The following RGS13 variants were observed in gnomAD, a reference collection of about 807,000 sequenced individuals.
The protein encoded by RGS13 is regulator of G protein signaling 13, also known as regulator of G-protein signalling 13.
A neutral mutation model predicts 19.9 loss-of-function variants in RGS13; 14 were observed. The ratio of observed to expected loss-of-function variants is 0.70; its 90% CI spans 0.46 to 1.10. RGS13 has a LOEUF of 1.10. Among genes scored for constraint, RGS13 ranks in the 50% least tolerant of loss-of-function variants. The pLI, the probability that RGS13 is intolerant of heterozygous loss-of-function variation, is 0.00. For missense variants in RGS13, 205 were observed against 187.1 expected (o/e 1.10, Z -0.56); for synonymous variants, 60 against 56.8 (o/e 1.06, Z -0.25).
intron 5 of RGS13, among the ~76,000 whole-genome samples, 176 bp from the exon 6 acceptor site, chr1:192,658,025 G>A (rs1467994361): frequency 1.3e-5 from 2 of 152,130 alleles, no homozygotes; most frequent in Admixed American, 1.3e-4. Flanking sequence ...GCACGCTTCA[G>A]ATGTTCGCTC....
At chr1:192,657,642 A>G (rs1426983629) in intron 5 of RGS13, among the ~76,000 whole-genome samples, 3 of 152,172 alleles carry the variant, frequency 2.0e-5, no homozygotes, top group Non-Finnish European at 2.9e-5. Flanking sequence ...GGCTTGAACC[A>G]TAAACCATGA....
intron 5 of RGS13, among the ~76,000 whole-genome samples, chr1:192,651,173 T>C (rs1464617019): frequency 6.6e-6 from 1 of 152,082 alleles, no homozygotes; most frequent in Non-Finnish European, 1.5e-5. Context: ...AGTGCATTCT[T>C]GTGGAAGCCA....
At chr1:192,655,676 A>T (rs1242961951) in intron 5 of RGS13, among the ~76,000 whole-genome samples, 2 of 152,122 alleles carry the variant, frequency 1.3e-5, no homozygotes, top group Non-Finnish European at 2.9e-5. Flanking sequence ...GAGGAACAAT[A>T]CGACAATCTG....
intron 5 of RGS13, among the ~76,000 whole-genome samples, chr1:192,651,369 A>G (rs1663332207): frequency 6.6e-6 from 1 of 152,100 alleles, no homozygotes. Context: ...CAGCATAAGG[A>G]ATCACTGACA....
chr1:192,636,853 A>C (rs552299828), intron 1 of RGS13, among the ~76,000 whole-genome samples: 1 of 152,084 alleles, frequency 6.6e-6, no homozygotes, highest in East Asian at 1.9e-4. Flanking sequence ...TGAATTTTTT[A>C]AAGGACAAGA....
intron 5 of RGS13, among the ~76,000 whole-genome samples, chr1:192,656,016 C>T (rs1222215515): frequency 6.6e-6 from 1 of 152,016 alleles, no homozygotes; most frequent in African/African-American, 2.4e-5. Context: ...TTCTTCCAAT[C>T]CATCAGGAAG....
chr1:192,655,677 C>T (rs775735520), intron 5 of RGS13, among the ~76,000 whole-genome samples: 4 of 151,918 alleles, frequency 2.6e-5, no homozygotes, highest in Non-Finnish European at 4.4e-5. Context: ...AGGAACAATA[C>T]GACAATCTGC....
chr1:192,646,684 T>C (rs539997561), intron 4 of RGS13: 1 of 152,150 alleles, frequency 6.6e-6, no homozygotes, highest in African/African-American at 2.4e-5. Flanking sequence ...CCAGTGTGTG[T>C]TGTTCTCCCC....
At position 192,642,348 on chromosome 1, in the gene RGS13, G is replaced by T. The variant is rs1355349588; in HGVS notation, c.-4-1983G>T. 6.1e-5 allele frequency among the ~76,000 whole-genome samples: 9 copies of T among 147,500 alleles called. No homozygotes were observed. In the East Asian group the frequency reaches 1.6e-3, roughly 26 times the overall value. The stretch of plus-strand genomic sequence containing the variant: ...TTTTTTTTTTTTTTTTTGAGATAAG[G>T]TCTTTCTTTGTCACCCAGACTGGAG... On this transcript the variant is annotated intron_variant, in intron 3 of 6. Transcript: ENST00000391995.
In RGS13 at chr1:192,659,593, C is replaced by A. The variant is rs1663574948; in HGVS notation, c.*70C>A. ...TGGGTTTGATCTTTTTATTTAGAAACCCACAAAATCAGAAACACAGTACAA... is the reference window on the plus strand; with the variant it reads ...TGGGTTTGATCTTTTTATTTAGAAAACCACAAAATCAGAAACACAGTACAA... On this transcript the variant is annotated 3_prime_UTR_variant, in exon 7 of 7. Coordinates refer to ENST00000391995, the MANE Select transcript of RGS13 (RefSeq NM_002927.5). 2 of 1,090,152 alleles carry A rather than the reference C, an allele frequency of 1.8e-6. No homozygotes were observed. Among genetic ancestry groups the A allele is most frequent in the Non-Finnish European group, 2.7e-6 (2 of 753,104 alleles). The allele number at this position is 1,090,152 out of a possible 1,614,324, so 67.5% of individuals were successfully genotyped here.
chr1:192,641,442 A>G (rs1262149446), intron 3 of RGS13, among the ~76,000 whole-genome samples: 1 of 151,944 alleles, frequency 6.6e-6, no homozygotes, highest in African/African-American at 2.4e-5. Flanking sequence ...AATTACAAGC[A>G]GGCTTTCATT....
At chr1:192,648,641 GAC>G (rs559623872) in intron 5 of RGS13, among the ~76,000 whole-genome samples, 229 of 152,238 alleles carry the variant, frequency 1.5e-3, no homozygotes, top group African/African-American at 5.0e-3. Flanking sequence ...GTAGGGTGTA[GAC>G]ACAGAAAATT....
chr1:192,645,640 A>T (rs369769604), intron 4 of RGS13: 8 of 152,142 alleles, frequency 5.3e-5, no homozygotes, highest in African/African-American at 1.9e-4. Flanking sequence ...AGAAGAATGG[A>T]GGGGACACAA....
intron 3 of RGS13, among the ~76,000 whole-genome samples, chr1:192,639,970 T>C (rs1663078049): frequency 6.6e-6 from 1 of 152,142 alleles, no homozygotes; most frequent in Non-Finnish European, 1.5e-5. Context: ...AACCCATTAA[T>C]AGACACACAT....
chr1:192,647,996 T>G lies in RGS13; in HGVS notation c.127+9T>G. ...TTTAATGGCTACAAAATGTGAGTAT[T>G]GCGTATCTGTCATCTTTGAATAACT... On this transcript the variant is annotated intron_variant, in intron 5 of 6. Coordinates refer to ENST00000391995, the MANE Select transcript of RGS13 (RefSeq NM_002927.5). 1 of 1,572,316 alleles carries G rather than the reference T, an allele frequency of 6.4e-7. No individual in the cohort carries two copies. The highest frequency in any genetic ancestry group is 8.7e-7 in the Non-Finnish European group (1 of 1,150,686).
At chr1:192,650,955 A>T (rs968446201) in intron 5 of RGS13, among the ~76,000 whole-genome samples, 2 of 152,088 alleles carry the variant, frequency 1.3e-5, no homozygotes, top group African/African-American at 4.8e-5. Flanking sequence ...ATTGGAACTC[A>T]GTAGGGAAGA....
chr1:192,651,796 G>A (rs1481368294), intron 5 of RGS13, among the ~76,000 whole-genome samples: 3 of 152,046 alleles, frequency 2.0e-5, no homozygotes, highest in African/African-American at 7.2e-5. Flanking sequence ...TTTGAGGCAA[G>A]GTCGCCAGTA....
In RGS13 at chr1:192,644,344, C is replaced by T. The variant is rs531861902; in HGVS notation, c.10C>T (p.Arg4Trp). Residue 4 changes from arginine (R) to tryptophan (W), a missense_variant, in exon 4 of 7, where the codon CGG (arginine) becomes TGG (tryptophan). Coordinates refer to ENST00000391995, the MANE Select transcript of RGS13 (RefSeq NM_002927.5). MSR[R>W]NCWICKMCRD... ...GTATTTCCTTAGAAAAATGAGCAGG[C>T]GGAATTGTTGGATTTGTAAGATGTG... The T allele has an allele frequency of 1.5e-5, 24 of 1,609,016 alleles. No homozygotes were observed. Among genetic ancestry groups the T allele is most frequent in the Admixed American group, 5.0e-5 (3 of 59,806 alleles).
intron 3 of RGS13, among the ~76,000 whole-genome samples, chr1:192,642,401 A>G (rs1467113023): frequency 6.7e-6 from 1 of 149,994 alleles, no homozygotes; most frequent in Non-Finnish European, 1.5e-5. Context: ...GGCACACTGC[A>G]GCCTCAACCC....
Sources: gnomAD v4.1 joint callset for allele counts (sites outside exome capture counted in the v4.1 genomes callset) on GRCh38, gnomAD v4.1.1 for gene constraint, MANE v1.5 for transcripts, NCBI Gene and HGNC (gene_info 2026-07-23, HGNC 2026-07-21) for gene names.